Variants in MAP4K5 observed in about 807,000 individuals in gnomAD.
The protein encoded by MAP4K5 is MAPK/ERK kinase kinase kinase 5.
Under a neutral mutation model 135.6 loss-of-function variants are expected in MAP4K5, and 82 were observed. The ratio of observed to expected loss-of-function variants is 0.60; its 90% CI spans 0.51 to 0.73. The LOEUF is 0.73. MAP4K5 is among the 30% of genes least tolerant of loss of function. The probability of loss-of-function intolerance (pLI) is 0.00; values close to 1 mark genes in which losing one functional copy is unlikely to be tolerated. For missense variants in MAP4K5, 907 were observed against 1,010.9 expected (o/e 0.90, Z 1.39); for synonymous variants, 347 against 335.0 (o/e 1.04, Z -0.39).
At chr14:50,439,333 T>TAAAAAAAAAAA (rs377755870) in intron 23 of MAP4K5, among the ~76,000 whole-genome samples, 1 of 90,360 alleles carries the variant, frequency 1.1e-5, no homozygotes, top group Non-Finnish European at 2.4e-5. Context: ...AGGTAAGAAT[T>TAAAAAAAAAAA]AAAAAAAAAA....
intron 32 of MAP4K5, among the ~76,000 whole-genome samples, chr14:50,422,844 T>C (rs1020255361): frequency 5.3e-5 from 8 of 152,134 alleles, no homozygotes; most frequent in African/African-American, 1.9e-4. Flanking sequence ...GGGCCCGAAA[T>C]AGCTCTCATA....
Position 50,532,056 on chromosome 14 carries a change from T to A in MAP4K5, c.-7A>T. On this transcript the variant is annotated 5_prime_UTR_variant, in exon 2 of 33. In the 5' UTR this introduces an upstream ATG that the reference lacks. Coordinates refer to ENST00000682126, the MANE Select transcript of MAP4K5 (RefSeq NM_006575.6). ...GCCGCAGCGGGGCCTCCATCTTCAC[T>A]TAGGGCCCGGCCCCCGCCAGCTCAC... is the stretch of plus-strand genomic sequence containing the variant. 1 of 1,536,456 alleles carries A rather than the reference T, an allele frequency of 6.5e-7. No individual in the cohort carries two copies. Among genetic ancestry groups the A allele is most frequent in the Non-Finnish European group, 8.8e-7 (1 of 1,132,404 alleles).
At chr14:50,427,727 T>A (rs947205302) in intron 30 of MAP4K5, among the ~76,000 whole-genome samples, 6 of 152,174 alleles carry the variant, frequency 3.9e-5, no homozygotes, top group African/African-American at 1.4e-4. Context: ...ATATGATCAA[T>A]GAGCATGCAA....
At chr14:50,460,076 T>C (rs892865684) in intron 13 of MAP4K5, among the ~76,000 whole-genome samples, 3 of 152,166 alleles carry the variant, frequency 2.0e-5, no homozygotes, top group Admixed American at 6.6e-5. Context: ...TATTAACACC[T>C]CTGCTCAGGC....
intron 1 of MAP4K5, 135 bp downstream of exon 1, chr14:50,532,313 G>C (rs2038414824): frequency 2.4e-6 from 1 of 410,316 alleles, no homozygotes. Flanking sequence ...ATCCCCGTTC[G>C]GTCTGCGGCC....
chr14:50,421,037 G>A (rs546387233), intron 32 of MAP4K5, among the ~76,000 whole-genome samples: 3 of 152,044 alleles, frequency 2.0e-5, no homozygotes, highest in Non-Finnish European at 2.9e-5. Context: ...TTTTTCTAGT[G>A]TATGAATTTT....
chr14:50,422,520 T>A (rs532151989), intron 32 of MAP4K5, among the ~76,000 whole-genome samples: 7 of 151,770 alleles, frequency 4.6e-5, no homozygotes, highest in African/African-American at 1.7e-4. Context: ...GAGGAAGGAA[T>A]GGGTATTTTA....
At chr14:50,447,806 G>A (rs570704088) in intron 15 of MAP4K5, among the ~76,000 whole-genome samples, 4 of 152,118 alleles carry the variant, frequency 2.6e-5, no homozygotes, top group Non-Finnish European at 5.9e-5. Flanking sequence ...CCATTAGCAT[G>A]GAAAACTAAA....
chr14:50,486,787 T>C lies in MAP4K5; in HGVS notation c.167-593A>G, dbSNP rs544245489. Among the ~76,000 whole-genome samples the C allele has an allele frequency of 8.5e-5, 13 of 152,104 alleles. No individual in the cohort carries two copies. The South Asian group carries it at 2.7e-3, about 32-fold the overall frequency. ...TTCTACTAAAAACACAAAAATTAGA[T>C]GGGTGTGGTGGTGGCACCTGTAATC... On this transcript the variant is annotated intron_variant, in intron 3 of 32. Coordinates refer to ENST00000682126, the MANE Select transcript of MAP4K5 (RefSeq NM_006575.6).
intron 24 of MAP4K5, 38 bp from the exon 25 acceptor site, chr14:50,438,046 T>G: frequency 9.1e-7 from 1 of 1,093,780 alleles, no homozygotes; most frequent in Non-Finnish European, 1.4e-6. Context: ...TGAGAATCAT[T>G]TACAGCAGAG....
At chr14:50,443,898 G>C (rs371853882) in intron 19 of MAP4K5, 41 bp downstream of exon 19, 209 of 1,482,356 alleles carry the variant, frequency 1.4e-4, no homozygotes, top group Non-Finnish European at 1.9e-4. Context: ...GATAAATATA[G>C]TATTATTTAC....
At position 50,485,562 on chromosome 14, in the gene MAP4K5, G is replaced by A. The variant is rs1176936933; in HGVS notation, c.322+16C>T. The A allele has an allele frequency of 2.0e-5, 30 of 1,478,484 alleles. No homozygotes were observed. Among genetic ancestry groups the A allele is most frequent in the Non-Finnish European group, 2.5e-5 (27 of 1,087,088 alleles). The allele number at this position is 1,478,484 out of a possible 1,614,324, so 91.6% of individuals were successfully genotyped here. On this transcript the variant is annotated intron_variant, in intron 5 of 32. Transcript: ENST00000682126. ...AACCAAAGTCTGTTTAAAATGTAAA[G>A]TCAAATTAACAGTACCATGGTAAAT...
intron 1 of MAP4K5, among the ~76,000 whole-genome samples, chr14:50,557,822 C>A (rs959086451): frequency 6.6e-6 from 1 of 152,232 alleles, no homozygotes; most frequent in East Asian, 1.9e-4. Context: ...CACCTTTTCT[C>A]GTTAAAAGGA....
chr14:50,432,387 A>G (rs910009281), intron 28 of MAP4K5, among the ~76,000 whole-genome samples: 1 of 152,148 alleles, frequency 6.6e-6, no homozygotes, highest in African/African-American at 2.4e-5. Flanking sequence ...ACCCTCAGGC[A>G]GTAATTTGGG....
intron 6 of MAP4K5, among the ~76,000 whole-genome samples, chr14:50,480,767 T>G (rs2037222076): frequency 6.6e-6 from 1 of 152,198 alleles, no homozygotes; most frequent in Non-Finnish European, 1.5e-5. Flanking sequence ...CATAGCCTAC[T>G]AAACACCTAG....
At chr14:50,461,020 C>T (rs968532615) in intron 13 of MAP4K5, among the ~76,000 whole-genome samples, 1 of 152,082 alleles carries the variant, frequency 6.6e-6, no homozygotes, top group Non-Finnish European at 1.5e-5. Context: ...CTAGTAGTTA[C>T]TATAATATTT....
chr14:50,491,398 C>G (rs4901037), intron 3 of MAP4K5, among the ~76,000 whole-genome samples: 1 of 151,010 alleles, frequency 6.6e-6, no homozygotes, highest in Non-Finnish European at 1.5e-5. Context: ...TCTCAGCTCA[C>G]TGCAACCTCT....
upstream of MAP4K5, chr14:50,533,430 G>C (rs976669167): frequency 2.0e-5 from 3 of 151,968 alleles, no homozygotes; most frequent in African/African-American, 7.3e-5. Flanking sequence ...ATAGTAAGGG[G>C]GGTTATCGAA....
intron 32 of MAP4K5, among the ~76,000 whole-genome samples, chr14:50,421,684 A>T (rs1362247701): frequency 1.3e-5 from 2 of 151,926 alleles, no homozygotes; most frequent in Admixed American, 6.6e-5. Context: ...TGAAGGAAGT[A>T]GTTTTTCAGA....
Sources: gnomAD v4.1 joint callset for allele counts (sites outside exome capture counted in the v4.1 genomes callset) on GRCh38, gnomAD v4.1.1 for gene constraint, MANE v1.5 for transcripts, NCBI Gene and HGNC (gene_info 2026-07-23, HGNC 2026-07-21) for gene names.